Variants in TTC27 observed in about 807,000 individuals in gnomAD.
TTC27 encodes tetratricopeptide repeat protein 27.
Under a neutral mutation model 115.9 loss-of-function variants are expected in TTC27, and 79 were observed. That is an observed-to-expected ratio of 0.68 (90% CI 0.57 to 0.82). The LOEUF (loss-of-function observed/expected upper bound fraction) is 0.82, where lower values mean the gene tolerates loss of function less well. TTC27 is among the 40% of genes least tolerant of loss of function. The pLI is 0.00. For synonymous variants in TTC27, 401 were observed against 356.0 expected, an observed-to-expected ratio of 1.13 and a Z score of -1.42; for missense variants, 1,054 against 993.1, an observed-to-expected ratio of 1.06 and a Z score of -0.82.
At chr2:32,736,355 C>A (rs1354778866) in intron 11 of TTC27, among the ~76,000 whole-genome samples, 1 of 152,102 alleles carries the variant, frequency 6.6e-6, no homozygotes, top group African/African-American at 2.4e-5. Flanking sequence ...TTTATTGGAT[C>A]TCAGCCTCAT....
intron 9 of TTC27, among the ~76,000 whole-genome samples, chr2:32,695,594 C>T (rs1666956455): frequency 6.6e-6 from 1 of 151,800 alleles, no homozygotes; most frequent in Non-Finnish European, 1.5e-5. Flanking sequence ...TGGTGCGTGC[C>T]TGCAGTCCCA....
chr2:32,672,164 C>G (rs2295731), intron 7 of TTC27, 108 bp from the exon 8 acceptor site: 51,031 of 723,244 alleles, frequency 0.071, 2,031 homozygotes, highest in East Asian at 0.12. Context: ...GACCATATGT[C>G]AAACAGGTAA....
chr2:32,662,030 T>C (rs1227199540), intron 5 of TTC27, among the ~76,000 whole-genome samples: 2 of 152,226 alleles, frequency 1.3e-5, no homozygotes, highest in East Asian at 3.8e-4. Context: ...GATAATCTTA[T>C]GGTTTTTGTC....
chr2:32,721,755 G>C (rs1667939154), intron 10 of TTC27, among the ~76,000 whole-genome samples: 1 of 151,296 alleles, frequency 6.6e-6, no homozygotes, highest in African/African-American at 2.4e-5. Flanking sequence ...TCCTGCCTTT[G>C]CCTCCCAAGT....
At chr2:32,737,048 C>A (rs1201902722) in intron 12 of TTC27, among the ~76,000 whole-genome samples, 1 of 152,068 alleles carries the variant, frequency 6.6e-6, no homozygotes, top group East Asian at 1.9e-4. Flanking sequence ...TGATTTCTTT[C>A]CTTTACTCAC....
chr2:32,753,275 T>C (rs1669079775), intron 12 of TTC27, among the ~76,000 whole-genome samples: 1 of 152,236 alleles, frequency 6.6e-6, no homozygotes, highest in Non-Finnish European at 1.5e-5. Context: ...TGGCCTGTTA[T>C]GCTCCAGCTT....
At chr2:32,811,261 G>T in intron 17 of TTC27, 40 bp downstream of exon 17, 1 of 1,571,794 alleles carries the variant, frequency 6.4e-7, no homozygotes, top group South Asian at 1.2e-5. Flanking sequence ...CCTTTCGTTT[G>T]AACATGTTGT....
chr2:32,753,523 T>C (rs6704681), intron 12 of TTC27, among the ~76,000 whole-genome samples: 121,476 of 147,944 alleles, frequency 0.82, 49,913 homozygotes, highest in Middle Eastern at 0.91. Context: ...CTGCAACCTC[T>C]GCCTCCCACT....
chr2:32,816,344 C>A (rs968323938), intron 18 of TTC27, among the ~76,000 whole-genome samples: 2 of 151,840 alleles, frequency 1.3e-5, no homozygotes, highest in African/African-American at 2.4e-5. Context: ...GATTTTCTAT[C>A]CTTGGTCTAC....
intron 9 of TTC27, among the ~76,000 whole-genome samples, chr2:32,680,330 A>G (rs1008261356): frequency 3.9e-5 from 6 of 152,232 alleles, no homozygotes; most frequent in African/African-American, 1.4e-4. Flanking sequence ...TATATCTACT[A>G]AATAATATAT....
chr2:32,765,962 C>T (rs1181234694), intron 13 of TTC27, among the ~76,000 whole-genome samples: 4 of 152,190 alleles, frequency 2.6e-5, no homozygotes, highest in Non-Finnish European at 5.9e-5. Context: ...ATCTAGACCA[C>T]TCAGACTTTC....
intron 2 of TTC27, among the ~76,000 whole-genome samples, chr2:32,631,302 C>G (rs543729071): frequency 6.7e-6 from 1 of 148,514 alleles, no homozygotes; most frequent in East Asian, 2.0e-4. Flanking sequence ...GACTCTGTCT[C>G]AAAAAAAAAC....
chr2:32,780,661 A>G (rs1473218150), intron 14 of TTC27, among the ~76,000 whole-genome samples: 1 of 152,070 alleles, frequency 6.6e-6, no homozygotes, highest in East Asian at 1.9e-4. Flanking sequence ...ACTAGTCTCA[A>G]ACTCCTGACC....
intron 7 of TTC27, among the ~76,000 whole-genome samples, chr2:32,668,717 G>A (rs1269306957): frequency 1.3e-5 from 2 of 151,832 alleles, no homozygotes; most frequent in Non-Finnish European, 2.9e-5. Flanking sequence ...ACATGTTACA[G>A]GGTTAATGTG....
chr2:32,674,220 G>A (rs1158820631), intron 8 of TTC27, among the ~76,000 whole-genome samples: 2 of 150,324 alleles, frequency 1.3e-5, no homozygotes, highest in South Asian at 2.1e-4. Flanking sequence ...GCGCGATCTC[G>A]GCTCACTGCA....
intron 9 of TTC27, among the ~76,000 whole-genome samples, chr2:32,691,154 A>C (rs1033309626): frequency 6.6e-6 from 1 of 152,092 alleles, no homozygotes; most frequent in African/African-American, 2.4e-5. Context: ...TAGAAATGAC[A>C]CTCTAGATCC....
chr2:32,661,921 T>C (rs1181748867), intron 5 of TTC27, among the ~76,000 whole-genome samples: 2 of 152,178 alleles, frequency 1.3e-5, no homozygotes, highest in Non-Finnish European at 2.9e-5. Context: ...AAATATCTCT[T>C]ACTATTTTGA....
intron 16 of TTC27, among the ~76,000 whole-genome samples, chr2:32,790,532 C>G (rs1670501576): frequency 6.6e-6 from 1 of 152,084 alleles, no homozygotes; most frequent in South Asian, 2.1e-4. Flanking sequence ...TTAGATCAGG[C>G]TGATTAACAT....
chr2:32,771,816 A>T (rs571342576), intron 13 of TTC27, among the ~76,000 whole-genome samples: 1 of 152,234 alleles, frequency 6.6e-6, no homozygotes, highest in Admixed American at 6.5e-5. Flanking sequence ...TTCCTGTTTA[A>T]TGATACCACA....
Sources: gnomAD v4.1 joint callset for allele counts (sites outside exome capture counted in the v4.1 genomes callset) on GRCh38, gnomAD v4.1.1 for gene constraint, MANE v1.5 for transcripts, NCBI Gene and HGNC (gene_info 2026-07-23, HGNC 2026-07-21) for gene names.